CLEC4A: variants seen among roughly 807,000 people sequenced by gnomAD.
CLEC4A encodes the protein C-type (calcium dependent, carbohydrate-recognition domain) lectin, superfamily member 6.
In CLEC4A, 27 loss-of-function variants were observed where a neutral mutation model predicts 32.7. The observed-to-expected ratio is 0.83, with a 90% CI of 0.61 to 1.14. The LOEUF is 1.14. CLEC4A is among the 50% of genes most tolerant of loss of function. CLEC4A has a pLI of 0.00. For synonymous variants in CLEC4A, 89 were observed against 93.7 expected, an observed-to-expected ratio of 0.95 and a Z score of 0.29; for missense variants, 253 against 274.6, an observed-to-expected ratio of 0.92 and a Z score of 0.55.
chr12:8,136,583 AAT>A (rs1342033104), intron 4 of CLEC4A, among the ~76,000 whole-genome samples: 1 of 150,740 alleles, frequency 6.6e-6, no homozygotes, highest in African/African-American at 2.5e-5. Context: ...AAAAAAAAAA[AAT>A]TCCTTCCGTA....
the CLEC4A span, among the ~76,000 whole-genome samples, chr12:8,116,395 C>T: frequency 6.6e-6 from 1 of 152,162 alleles, no homozygotes; most frequent in African/African-American, 2.4e-5. Flanking sequence ...AGTCATCGTA[C>T]CTGGCCGTTA....
chr12:8,104,464 G>A, the CLEC4A span, among the ~76,000 whole-genome samples: 1 of 152,192 alleles, frequency 6.6e-6, no homozygotes, highest in Non-Finnish European at 1.5e-5. Context: ...CCTACGGCTG[G>A]CTTCTCCATG....
the CLEC4A span, among the ~76,000 whole-genome samples, chr12:8,112,398 A>G: frequency 3.3e-5 from 5 of 152,150 alleles, no homozygotes; most frequent in Non-Finnish European, 5.9e-5. Context: ...TAAAATTTTG[A>G]TAGATTTATT....
intron 3 of CLEC4A, among the ~76,000 whole-genome samples, chr12:8,131,479 C>T (rs1014018815): frequency 7.0e-6 from 1 of 142,154 alleles, no homozygotes; most frequent in Admixed American, 7.5e-5. Flanking sequence ...AGGCAGTCCA[C>T]TGAGTTTCCT....
At chr12:8,114,886 G>A in the CLEC4A span, among the ~76,000 whole-genome samples, 1 of 152,116 alleles carries the variant, frequency 6.6e-6, no homozygotes, top group Admixed American at 6.5e-5. Flanking sequence ...GTCCCATGTT[G>A]CTATATTCTG....
At chr12:8,114,118 G>C in the CLEC4A span, among the ~76,000 whole-genome samples, 3 of 152,154 alleles carry the variant, frequency 2.0e-5, no homozygotes, top group Admixed American at 1.3e-4. Flanking sequence ...TGAAGTAAAA[G>C]GTGAAGATAT....
the CLEC4A span, among the ~76,000 whole-genome samples, chr12:8,109,850 G>A: frequency 2.0e-5 from 3 of 152,152 alleles, no homozygotes; most frequent in Non-Finnish European, 4.4e-5. Flanking sequence ...ATGGTGTAAG[G>A]GCGAAATGAC....
intron 5 of CLEC4A, among the ~76,000 whole-genome samples, 153 bp downstream of exon 5, chr12:8,137,056 G>A (rs761602379): frequency 7.9e-5 from 12 of 152,062 alleles, no homozygotes; most frequent in South Asian, 6.2e-4. Flanking sequence ...TTTAATCTGC[G>A]CAAGAACCCT....
At chr12:8,128,392 A>G (rs1188296989) in intron 2 of CLEC4A, among the ~76,000 whole-genome samples, 1 of 146,566 alleles carries the variant, frequency 6.8e-6, no homozygotes, top group Admixed American at 7.2e-5. Flanking sequence ...GGTAGGGAGG[A>G]AAGACAAAAA....
At chr12:8,130,672 G>A (rs2120598026) in intron 3 of CLEC4A, among the ~76,000 whole-genome samples, 1 of 152,242 alleles carries the variant, frequency 6.6e-6, no homozygotes, top group African/African-American at 2.4e-5. Flanking sequence ...GAGCTACCAT[G>A]CCCGGCCAAT....
chr12:8,137,598 C>T (rs117483937), intron 5 of CLEC4A, among the ~76,000 whole-genome samples: 1,572 of 152,216 alleles, frequency 0.01, 19 homozygotes, highest in Non-Finnish European at 0.017. Flanking sequence ...TTACCACCTT[C>T]GATCTTCATA....
At chr12:8,108,084 G>A in the CLEC4A span, among the ~76,000 whole-genome samples, 22 of 152,140 alleles carry the variant, frequency 1.4e-4, no homozygotes, top group African/African-American at 4.8e-4. Context: ...CTGGTATATT[G>A]TATATTTCTC....
the CLEC4A span, among the ~76,000 whole-genome samples, chr12:8,103,373 G>GTTTTTTTT: frequency 0.027 from 2,071 of 77,396 alleles, 205 homozygotes; most frequent in East Asian, 0.035. Context: ...GTTTCTTTCT[G>GTTTTTTTT]TTGTTTTTTT....
At chr12:8,109,328 C>T in the CLEC4A span, among the ~76,000 whole-genome samples, 1 of 152,018 alleles carries the variant, frequency 6.6e-6, no homozygotes, top group Middle Eastern at 3.4e-3. Flanking sequence ...TTAATGACAC[C>T]CCCTCCTCCT....
intron 3 of CLEC4A, chr12:8,134,634 A>T (rs747931756): frequency 1.2e-6 from 2 of 1,608,124 alleles, no homozygotes; most frequent in Non-Finnish European, 1.7e-6. Flanking sequence ...ACAGTACGCC[A>T]TCCCCCCGCA....
At chr12:8,107,436 C>G in the CLEC4A span, among the ~76,000 whole-genome samples, 3 of 152,220 alleles carry the variant, frequency 2.0e-5, no homozygotes, top group Non-Finnish European at 4.4e-5. Context: ...GGAACAGTTT[C>G]AGTAGGAATA....
rs755509498 is a variant in CLEC4A, at chr12:8,134,340, C to G, written c.299-1245C>G. 7 of 1,611,760 alleles carry G rather than the reference C, an allele frequency of 4.3e-6. No individual in the cohort carries two copies. In the African/African-American group the frequency reaches 9.3e-5, roughly 22 times the overall value. On this transcript the variant is annotated intron_variant, in intron 3 of 5. Coordinates refer to ENST00000229332, the MANE Select transcript of CLEC4A (RefSeq NM_016184.4). ...CTGAACACCTTCCCAAATAGAACCCCCAGGGTGAGCCACATCGGCCTGTGT... is the reference window on the plus strand; with the variant it reads ...CTGAACACCTTCCCAAATAGAACCCGCAGGGTGAGCCACATCGGCCTGTGT...
intron 3 of CLEC4A, among the ~76,000 whole-genome samples, chr12:8,131,269 C>T (rs1591609321): frequency 6.6e-6 from 1 of 152,298 alleles, no homozygotes; most frequent in East Asian, 1.9e-4. Context: ...CCCTCCCCAC[C>T]CCTTTCCATA....
At chr12:8,126,731 G>A (rs924935197) in intron 2 of CLEC4A, among the ~76,000 whole-genome samples, 1 of 152,138 alleles carries the variant, frequency 6.6e-6, no homozygotes, top group East Asian at 1.9e-4. Flanking sequence ...GTGTTGTACA[G>A]TTAAGAAGTA....
Sources: gnomAD v4.1 joint callset for allele counts (sites outside exome capture counted in the v4.1 genomes callset) on GRCh38, gnomAD v4.1.1 for gene constraint, MANE v1.5 for transcripts, NCBI Gene and HGNC (gene_info 2026-07-23, HGNC 2026-07-21) for gene names.